Variants in NUP62 observed in about 807,000 individuals in gnomAD.
NUP62 encodes the protein nuclear pore glycoprotein p62.
For missense variants in NUP62, 647 were observed against 689.4 expected, an observed-to-expected ratio of 0.94 and a Z score of 0.69; for synonymous variants, 305 against 303.4, an observed-to-expected ratio of 1.01 and a Z score of -0.05.
At chr19:49,926,375 C>T (rs769484767) in intron 2 of NUP62, among the ~76,000 whole-genome samples, 1 of 151,770 alleles carries the variant, frequency 6.6e-6, no homozygotes, top group Non-Finnish European at 1.5e-5. Flanking sequence ...ACTAAAAATA[C>T]AAAAATTAGC....
At chr19:49,916,077 C>A (rs1381589803) in intron 2 of NUP62, among the ~76,000 whole-genome samples, 1 of 152,240 alleles carries the variant, frequency 6.6e-6, no homozygotes, top group Non-Finnish European at 1.5e-5. Flanking sequence ...TGCACTGCAG[C>A]ACACCGAGCC....
At chr19:49,917,368 C>T (rs2075651438) in intron 2 of NUP62, among the ~76,000 whole-genome samples, 1 of 152,228 alleles carries the variant, frequency 6.6e-6, no homozygotes, top group Admixed American at 6.5e-5. Context: ...TGCTTCTTAA[C>T]CGTCTCCTGA....
chr19:49,914,246 T>C (rs1168083851), intron 2 of NUP62, among the ~76,000 whole-genome samples: 1 of 152,180 alleles, frequency 6.6e-6, no homozygotes, highest in Non-Finnish European at 1.5e-5. Flanking sequence ...ATTACCACAT[T>C]TGCCAAAGGG....
At chr19:49,922,186 GGCTT>G (rs1743251448) in intron 2 of NUP62, among the ~76,000 whole-genome samples, 1 of 152,326 alleles carries the variant, frequency 6.6e-6, no homozygotes, top group Middle Eastern at 3.4e-3. Context: ...GCGAGTCATG[GGCTT>G]GCCCCTGACA....
intron 2 of NUP62, among the ~76,000 whole-genome samples, chr19:49,910,210 C>T (rs1484876237): frequency 6.6e-6 from 1 of 152,092 alleles, no homozygotes. Flanking sequence ...CTGCCACAAG[C>T]GGGACTAGGA....
chr19:49,920,918 T>C lies in NUP62; in HGVS notation c.-78+6776A>G, dbSNP rs1152236. On this transcript the variant is annotated intron_variant, in intron 2 of 2. Coordinates refer to ENST00000352066, the MANE Select transcript of NUP62 (RefSeq NM_016553.5). The stretch of plus-strand genomic sequence containing the variant: ...CAGCTTCCCCGGGGAGAGGCAGTGA[T>C]GTTGGTGGGGGAAGGAGGGAAGGGC... Among the ~76,000 whole-genome samples the C allele has an allele frequency of 3.2e-3, 493 of 152,118 alleles. 2 individuals carry two copies. The highest frequency in any genetic ancestry group is 0.011 in the African/African-American group (460 of 41,490).
intron 2 of NUP62, among the ~76,000 whole-genome samples, chr19:49,927,486 G>A (rs2075928596): frequency 6.6e-6 from 1 of 152,158 alleles, no homozygotes; most frequent in South Asian, 2.1e-4. Context: ...GCAGGCCCAC[G>A]GGTGGGACAA....
intron 2 of NUP62, among the ~76,000 whole-genome samples, chr19:49,915,827 G>A (rs1171628453): frequency 1.3e-5 from 2 of 152,220 alleles, no homozygotes; most frequent in Non-Finnish European, 2.9e-5. Flanking sequence ...GGATGTGTGT[G>A]GGTGGATTGC....
At chr19:49,914,766 G>C (rs1277970806) in intron 2 of NUP62, among the ~76,000 whole-genome samples, 1 of 88,390 alleles carries the variant, frequency 1.1e-5, no homozygotes, top group Non-Finnish European at 2.1e-5. Context: ...TTGAGATGGA[G>C]TCTTGCTCTG....
chr19:49,909,899 G>T lies in NUP62; in HGVS notation c.-77-15C>A, dbSNP rs774129115. Reference sequence around the variant, plus strand: ...TGGGAAGATTTCTAAAGCAGAGGAAGTGACATTGTCAGATGGCAGTTTTGG... The same window carrying T: ...TGGGAAGATTTCTAAAGCAGAGGAATTGACATTGTCAGATGGCAGTTTTGG... On this transcript the variant is annotated splice_polypyrimidine_tract_variant and intron_variant, in intron 2 of 2. Coordinates refer to ENST00000352066, the MANE Select transcript of NUP62 (RefSeq NM_016553.5). 30 of 1,404,232 alleles carry T rather than the reference G, an allele frequency of 2.1e-5. No individual in the cohort carries two copies. The highest frequency in any genetic ancestry group is 2.9e-5 in the Non-Finnish European group (29 of 1,004,908). 87.0% of individuals were successfully genotyped at this position (1,404,232 alleles called of 1,614,324 possible).
chr19:49,918,407 C>T (rs1408453204), intron 2 of NUP62: 2 of 152,070 alleles, frequency 1.3e-5, no homozygotes, highest in Non-Finnish European at 2.9e-5. Flanking sequence ...GGAAGAGCTC[C>T]CCTCTCCCAC....
chr19:49,924,045 C>T (rs867505700), intron 2 of NUP62, among the ~76,000 whole-genome samples: 2 of 152,150 alleles, frequency 1.3e-5, no homozygotes, highest in Non-Finnish European at 2.9e-5. Flanking sequence ...GGCGATGGCA[C>T]GGTGCAGGTG....
intron 2 of NUP62, among the ~76,000 whole-genome samples, chr19:49,915,741 G>A (rs764843071): frequency 3.9e-5 from 6 of 152,206 alleles, no homozygotes; most frequent in Admixed American, 1.3e-4. Context: ...AAGGCGGCTG[G>A]TACAGAAAGG....
chr19:49,924,213 A>AT, intron 2 of NUP62, among the ~76,000 whole-genome samples: 1 of 152,048 alleles, frequency 6.6e-6, no homozygotes, highest in East Asian at 1.9e-4. Flanking sequence ...TGGCACTGTG[A>AT]TTTTCACAAC....
intron 2 of NUP62, among the ~76,000 whole-genome samples, chr19:49,914,054 G>C (rs2075554767): frequency 6.6e-6 from 1 of 152,114 alleles, no homozygotes; most frequent in Admixed American, 6.5e-5. Context: ...GTCTGTCCAG[G>C]TTAACAGTGA....
In NUP62 at chr19:49,908,885, G is replaced by C. The variant is rs778588222; in HGVS notation, c.923C>G (p.Ala308Gly). The C allele has an allele frequency of 5.6e-6, 9 of 1,609,964 alleles. No individual in the cohort carries two copies. Among genetic ancestry groups the C allele is most frequent in the Non-Finnish European group, 4.2e-6 (5 of 1,179,306 alleles). Residue 308 changes from alanine to glycine, a missense_variant, in exon 3 of 3, where the codon GCT becomes GGT. Transcript: ENST00000352066. ...AGGGCCAGGTGGAGCGGTCACGGCA[G>C]CTGCTGTATTGCTGGGGATCCCGGC... The part of the protein sequence containing the change: ...APAGIPSNTA[A>G]AVTAPPGPGA...
intron 2 of NUP62, among the ~76,000 whole-genome samples, chr19:49,920,847 C>G (rs367630519): frequency 6.6e-6 from 1 of 152,146 alleles, no homozygotes; most frequent in Admixed American, 6.5e-5. Flanking sequence ...GGGGGAGGAA[C>G]GGCGCACACC....
At chr19:49,925,239 C>T (rs987669340) in intron 2 of NUP62, among the ~76,000 whole-genome samples, 3 of 151,936 alleles carry the variant, frequency 2.0e-5, no homozygotes, top group African/African-American at 7.3e-5. Context: ...CCAGCCTGGG[C>T]AACAAGAGTG....
chr19:49,924,316 G>A (rs765597949), intron 2 of NUP62, among the ~76,000 whole-genome samples: 5 of 152,126 alleles, frequency 3.3e-5, no homozygotes, highest in Admixed American at 6.5e-5. Context: ...AGATTCTCAG[G>A]GTCCTGCACG....
Sources: allele counts gnomAD v4.1 joint callset (sites outside exome capture counted in the v4.1 genomes callset), GRCh38; gene constraint gnomAD v4.1.1; transcripts MANE v1.5; gene names NCBI Gene and HGNC (gene_info 2026-07-23, HGNC 2026-07-21).